TJP1: variants seen among roughly 807,000 people sequenced by gnomAD.
The protein encoded by TJP1 is tight junction protein ZO-1.
Under a neutral mutation model 194.2 loss-of-function variants are expected in TJP1, and 43 were observed. That is an observed-to-expected ratio of 0.22 (90% CI 0.17 to 0.29). The LOEUF (loss-of-function observed/expected upper bound fraction) is 0.29, where lower values mean the gene tolerates loss of function less well. Ranked by LOEUF, TJP1 falls within the 10% of genes least tolerant of loss-of-function variation. The pLI is 1.00. For synonymous variants in TJP1, 801 were observed against 779.0 expected (o/e 1.03, Z -0.47); for missense variants, 1,971 against 2,185.7 (o/e 0.90, Z 1.96).
At chr15:29,881,434 TG>T (rs1308658509) in intron 2 of TJP1, among the ~76,000 whole-genome samples, 2 of 152,238 alleles carry the variant, frequency 1.3e-5, no homozygotes, top group East Asian at 3.8e-4. Flanking sequence ...TTTGTTGATG[TG>T]TCCCTTTTGG....
chr15:29,827,192 A>G (rs1158647798), upstream of TJP1, among the ~76,000 whole-genome samples: 1 of 152,240 alleles, frequency 6.6e-6, no homozygotes, highest in Non-Finnish European at 1.5e-5. Flanking sequence ...CCCGGATTCC[A>G]GATCCAGTCA....
At chr15:29,948,193 C>T (rs1217686781) in intron 2 of TJP1, among the ~76,000 whole-genome samples, 4 of 148,620 alleles carry the variant, frequency 2.7e-5, no homozygotes, top group Admixed American at 6.8e-5. Context: ...ACCCAGCAGG[C>T]GGAGGTTGCA....
At chr15:29,879,021 G>C (rs373312152) in intron 2 of TJP1, among the ~76,000 whole-genome samples, 310 of 152,310 alleles carry the variant, frequency 2.0e-3, no homozygotes, top group African/African-American at 7.1e-3. Context: ...CTACTCGGGA[G>C]GCTGAGGCAG....
intron 1 of TJP1, among the ~76,000 whole-genome samples, chr15:29,961,643 C>A (rs1596332049): frequency 6.6e-6 from 1 of 152,260 alleles, no homozygotes; most frequent in East Asian, 1.9e-4. Flanking sequence ...CCCTCTCGTT[C>A]CACTTCCTAC....
At chr15:29,742,982 G>A (rs566221753) in intron 8 of TJP1, 13 of 391,220 alleles carry the variant, frequency 3.3e-5, no homozygotes, top group African/African-American at 1.4e-4. Context: ...TAATAAAATC[G>A]AAAATGAAGA....
At chr15:29,730,488 T>C (rs1444099417) in intron 15 of TJP1, among the ~76,000 whole-genome samples, 2 of 151,642 alleles carry the variant, frequency 1.3e-5, no homozygotes, top group African/African-American at 4.8e-5. Flanking sequence ...TCCTAGCTGC[T>C]TGGAAGGCCG....
At chr15:29,765,129 T>C (rs183312561) in intron 5 of TJP1, among the ~76,000 whole-genome samples, 38 of 152,032 alleles carry the variant, frequency 2.5e-4, no homozygotes, top group Non-Finnish European at 5.6e-4. Flanking sequence ...TGGTTAACCA[T>C]GTGAAATGAT....
chr15:29,758,044 T>C (rs1409216783), intron 8 of TJP1, among the ~76,000 whole-genome samples: 1 of 152,378 alleles, frequency 6.6e-6, no homozygotes, highest in East Asian at 1.9e-4. Context: ...TTTTCTCTTA[T>C]GATTTTCTTA....
chr15:29,909,116 CACTGCACTCCAG>C, intron 2 of TJP1, among the ~76,000 whole-genome samples: 1 of 147,212 alleles, frequency 6.8e-6, no homozygotes, highest in Non-Finnish European at 1.5e-5. Context: ...AAGATTGCGC[CACTGCACTCCAG>C]CCTGGGGAAC....
At chr15:29,842,055 G>A (rs535392611) in intron 2 of TJP1, among the ~76,000 whole-genome samples, 2 of 152,148 alleles carry the variant, frequency 1.3e-5, no homozygotes, top group Non-Finnish European at 2.9e-5. Flanking sequence ...AAAGAGCGAT[G>A]AAAATTTGAG....
Position 29,795,162 on chromosome 15 carries a change from G to A in TJP1, c.84+5484C>T, listed in dbSNP as rs183749184. 4.1e-3 allele frequency among the ~76,000 whole-genome samples: 630 copies of A among 152,110 alleles called. 8 individuals carry two copies. Among genetic ancestry groups the A allele is most frequent in the Admixed American group, 0.038 (585 of 15,290 alleles). On this transcript the variant is annotated intron_variant, in intron 2 of 27. Coordinates refer to ENST00000614355, the MANE Select transcript of TJP1 (RefSeq NM_001330239.4). ...CTACCAGTCAGGCATGGTGGCTCAC[G>A]CCTGTAATCCCAGCACTTTGGGAGG... is the stretch of plus-strand genomic sequence containing the variant.
chr15:29,781,157 C>A (rs1192689884), intron 2 of TJP1, among the ~76,000 whole-genome samples: 1 of 152,150 alleles, frequency 6.6e-6, no homozygotes, highest in Non-Finnish European at 1.5e-5. Flanking sequence ...ACTGACCCCA[C>A]AGGAATACAA....
At chr15:29,755,538 C>G (rs182060869) in intron 8 of TJP1, among the ~76,000 whole-genome samples, 1 of 152,176 alleles carries the variant, frequency 6.6e-6, no homozygotes. Context: ...AATGCTGACA[C>G]ACCTTTTACT....
chr15:29,836,471 C>A (rs955087357), intron 2 of TJP1, among the ~76,000 whole-genome samples: 1 of 151,924 alleles, frequency 6.6e-6, no homozygotes, highest in African/African-American at 2.4e-5. Flanking sequence ...CGGGGTTTCA[C>A]CGTGTTGGCC....
At position 29,700,692 on chromosome 15, in the gene TJP1, A is replaced by C. The variant is rs1256289138; in HGVS notation, c.*903T>G. On this transcript the variant is annotated 3_prime_UTR_variant, in exon 28 of 28. Coordinates refer to ENST00000614355, the MANE Select transcript of TJP1 (RefSeq NM_001330239.4). Reference sequence around the variant, plus strand: ...CAAAATTTTCAAATGCATAGCCAGAAAGAACAGAAAACCACCACTGCCCCT... The same window carrying C: ...CAAAATTTTCAAATGCATAGCCAGACAGAACAGAAAACCACCACTGCCCCT... 4 of 349,020 alleles carry C rather than the reference A, an allele frequency of 1.1e-5. No homozygotes were observed. The highest frequency in any genetic ancestry group is 2.0e-5 in the Non-Finnish European group (4 of 195,756). 21.6% of individuals were successfully genotyped at this position (349,020 alleles called of 1,614,324 possible).
chr15:29,967,615 T>C (rs2056378021), intron 1 of TJP1, among the ~76,000 whole-genome samples: 1 of 152,238 alleles, frequency 6.6e-6, no homozygotes, highest in African/African-American at 2.4e-5. Context: ...TGTCTTACCT[T>C]CAAAATTCTC....
chr15:29,758,836 CAT>C (rs1489752081), intron 8 of TJP1: 6 of 152,156 alleles, frequency 3.9e-5, no homozygotes, highest in African/African-American at 1.4e-4. Flanking sequence ...TTACACGTAA[CAT>C]GCCATAATAT....
intron 2 of TJP1, among the ~76,000 whole-genome samples, chr15:29,853,905 G>A (rs146426532): frequency 2.6e-5 from 4 of 152,138 alleles, no homozygotes; most frequent in African/African-American, 7.2e-5. Flanking sequence ...GGTTTTTTCC[G>A]AGAGAACATA....
chr15:29,924,639 T>C (rs1375177366), intron 2 of TJP1, among the ~76,000 whole-genome samples: 1 of 152,136 alleles, frequency 6.6e-6, no homozygotes, highest in African/African-American at 2.4e-5. Flanking sequence ...TACCATCCCT[T>C]TCCTTGAGAG....
Sources: allele counts gnomAD v4.1 joint callset (sites outside exome capture counted in the v4.1 genomes callset), GRCh38; gene constraint gnomAD v4.1.1; transcripts MANE v1.5; gene names NCBI Gene and HGNC (gene_info 2026-07-23, HGNC 2026-07-21).